Variants in COL22A1 observed in about 807,000 individuals in gnomAD.
COL22A1 encodes the protein collagen alpha-1(XXII) chain.
COL22A1 carries 221 observed loss-of-function variants against 248.9 expected under a neutral mutation model. The ratio of observed to expected loss-of-function variants is 0.89; its 90% CI spans 0.80 to 0.99. The LOEUF is 0.99. Ranked by LOEUF, COL22A1 falls within the 50% of genes least tolerant of loss-of-function variation. COL22A1 has a pLI of 0.00. For missense variants in COL22A1, 2,240 were observed against 2,179.0 expected (o/e 1.03, Z -0.56); for synonymous variants, 891 against 793.4 (o/e 1.12, Z -2.07).
chr8:138,655,841 T>TCCAA (rs2130620133), intron 45 of COL22A1, 56 bp downstream of exon 45: 10 of 1,417,694 alleles, frequency 7.1e-6, no homozygotes, highest in Non-Finnish European at 1.0e-5. Context: ...TATCAAGATC[T>TCCAA]CCAATCCCGC....
chr8:138,620,950 C>T (rs1434797326), intron 52 of COL22A1, among the ~76,000 whole-genome samples: 1 of 48,728 alleles, frequency 2.1e-5, no homozygotes, highest in Non-Finnish European at 5.2e-5. Context: ...AGCATCCATC[C>T]ATCCATCCAT....
At chr8:138,755,109 T>C in intron 21 of COL22A1, 48 bp downstream of exon 21, 2 of 1,586,222 alleles carry the variant, frequency 1.3e-6, no homozygotes, top group Non-Finnish European at 1.7e-6. Context: ...AACCCATTGG[T>C]AAGAGAAGCG....
rs1564164450 is a variant in COL22A1 at position 138,664,213 on chromosome 8, A to ATG, written c.3151-474_3151-473insCA. Among the ~76,000 whole-genome samples the ATG allele has an allele frequency of 6.9e-5, 5 of 72,552 alleles. 1 individual carries two copies. Among genetic ancestry groups the ATG allele is most frequent in the Non-Finnish European group, 1.4e-4 (5 of 36,006 alleles). 47.6% of individuals were successfully genotyped at this position (72,552 alleles called of 152,430 possible). The stretch of plus-strand genomic sequence containing the variant: ...AAGGGGTGCGCGCGCGCGCGCGCAC[A>ATG]CACACACACACACACACACACACAC... On this transcript the variant is annotated intron_variant, in intron 41 of 64. Transcript: ENST00000303045.
intron 3 of COL22A1, among the ~76,000 whole-genome samples, chr8:138,861,128 C>T (rs542702540): frequency 6.6e-6 from 1 of 152,318 alleles, no homozygotes; most frequent in East Asian, 1.9e-4. Context: ...CCTCACACTA[C>T]CAACATCCTC....
chr8:138,674,233 T>C (rs1026189377), intron 41 of COL22A1, among the ~76,000 whole-genome samples: 1 of 152,176 alleles, frequency 6.6e-6, no homozygotes, highest in Non-Finnish European at 1.5e-5. Context: ...GTGGATGCTT[T>C]GAGGCCCAGC....
chr8:138,771,162 C>T (rs1245817757), intron 16 of COL22A1, among the ~76,000 whole-genome samples: 1 of 152,212 alleles, frequency 6.6e-6, no homozygotes, highest in African/African-American at 2.4e-5. Context: ...GCTGCAGGGA[C>T]TCAGAGGCTG....
In COL22A1 at chr8:138,821,506, C is replaced by G. The variant is rs909404271; in HGVS notation, c.970-95G>C. 3.1e-6 allele frequency: 4 copies of G among 1,275,020 alleles called. 1 individual carries two copies. In the East Asian group the frequency reaches 9.3e-5, roughly 30 times the overall value. 79.0% of individuals were successfully genotyped at this position (1,275,020 alleles called of 1,614,324 possible). ...GGAGTTCAGAGTCAGACCTGGCAAT[C>G]CTGAGTCAATCCTGGCTGTGACTCT... On this transcript the variant is annotated intron_variant, in intron 6 of 64. Coordinates refer to ENST00000303045, the MANE Select transcript of COL22A1 (RefSeq NM_152888.3).
chr8:138,629,517 A>T (rs1206767387), intron 50 of COL22A1, among the ~76,000 whole-genome samples: 2 of 152,082 alleles, frequency 1.3e-5, no homozygotes, highest in Admixed American at 6.5e-5. Context: ...AGGATTAACC[A>T]GATGAGGATC....
At chr8:138,750,095 G>T (rs1832464877) in intron 22 of COL22A1, among the ~76,000 whole-genome samples, 1 of 152,160 alleles carries the variant, frequency 6.6e-6, no homozygotes, top group Non-Finnish European at 1.5e-5. Context: ...CTCCCTCTTT[G>T]CCTGCTGCCA....
intron 35 of COL22A1, among the ~76,000 whole-genome samples, chr8:138,692,901 G>A (rs1383386097): frequency 1.3e-5 from 2 of 152,104 alleles, no homozygotes; most frequent in Admixed American, 1.3e-4. Flanking sequence ...CTGACCATAC[G>A]CATGGTGGCC....
intron 1 of COL22A1, among the ~76,000 whole-genome samples, chr8:138,884,090 C>T (rs914819751): frequency 1.3e-5 from 2 of 152,132 alleles, no homozygotes; most frequent in East Asian, 3.9e-4. Context: ...GGAGGGCTTC[C>T]CTCTACCTAA....
chr8:138,623,761 C>A lies in COL22A1; in HGVS notation c.3742G>T (p.Asp1248Tyr). Residue 1248 changes from aspartate (D) to tyrosine (Y), a missense_variant, in exon 52 of 65, where the codon GAT becomes TAT. Physicochemically the swap from Asp to Tyr is radical, Grantham distance 160. Transcript: ENST00000303045. Reference sequence around the variant, plus strand: ...TCTCCAGGGGGACCCGGCTTTCCATCTCTGCCCTCTTTGCCTTCTTCTCCC... The same window carrying A: ...TCTCCAGGGGGACCCGGCTTTCCATATCTGCCCTCTTTGCCTTCTTCTCCC... ...IPGEEGKEGRDGKPGPPGEPG... is the reference protein window; with the variant it reads ...IPGEEGKEGRYGKPGPPGEPG... 7 of 1,612,782 alleles carry A rather than the reference C, an allele frequency of 4.3e-6. No homozygotes were observed. The highest frequency in any genetic ancestry group is 5.9e-6 in the Non-Finnish European group (7 of 1,179,422).
rs537532042 is a variant in COL22A1 at position 138,883,263 on chromosome 8, C to T, written c.-72-19G>A. 1 of 1,298,158 alleles carries T rather than the reference C, an allele frequency of 7.7e-7. No individual in the cohort carries two copies. The highest frequency in any genetic ancestry group is 1.1e-6 in the Non-Finnish European group (1 of 938,770). 80.4% of individuals were successfully genotyped at this position (1,298,158 alleles called of 1,614,324 possible). A position where few individuals can be genotyped will look rare whatever the true frequency, so the allele number is the denominator to read the frequency against. On this transcript the variant is annotated intron_variant, in intron 1 of 64. Transcript: ENST00000303045. ...GCATGGCCTGTGTGGAGAAAGACAC[C>T]CTTAGAGAAGGCTCTCAAGCTGAAA...
chr8:138,844,842 C>A (rs574077736), intron 3 of COL22A1, among the ~76,000 whole-genome samples: 1 of 149,590 alleles, frequency 6.7e-6, no homozygotes, highest in Non-Finnish European at 1.5e-5. Flanking sequence ...CCCAGCTACT[C>A]GGGAGGCTGA....
intron 60 of COL22A1, among the ~76,000 whole-genome samples, chr8:138,601,069 AAAG>A (rs1817964329): frequency 6.6e-6 from 1 of 152,150 alleles, no homozygotes; most frequent in Non-Finnish European, 1.5e-5. Context: ...ATTAGGTATT[AAAG>A]AAGAGATGCC....
intron 3 of COL22A1, among the ~76,000 whole-genome samples, chr8:138,867,667 T>C (rs16909732): frequency 0.048 from 7,308 of 152,302 alleles, 578 homozygotes; most frequent in African/African-American, 0.17. Flanking sequence ...AGTTAACCTG[T>C]GATTTGCACT....
chr8:138,639,953 C>T (rs377574221), intron 47 of COL22A1, among the ~76,000 whole-genome samples: 1 of 152,192 alleles, frequency 6.6e-6, no homozygotes, highest in Non-Finnish European at 1.5e-5. Context: ...TAGACGGCCA[C>T]CGCAATTACC....
intron 62 of COL22A1, among the ~76,000 whole-genome samples, chr8:138,595,592 A>C (rs1475988359): frequency 1.3e-5 from 2 of 151,978 alleles, no homozygotes; most frequent in African/African-American, 4.8e-5. Context: ...CCACTCCTTA[A>C]CGTGTGCTTC....
At chr8:138,746,116 T>C (rs1482408911) in intron 22 of COL22A1, among the ~76,000 whole-genome samples, 7 of 152,338 alleles carry the variant, frequency 4.6e-5, no homozygotes, top group Admixed American at 3.3e-4. Flanking sequence ...ACCAGCTTTG[T>C]CCAAAATGAA....
Sources: gnomAD v4.1 joint callset for allele counts (sites outside exome capture counted in the v4.1 genomes callset) on GRCh38, gnomAD v4.1.1 for gene constraint, MANE v1.5 for transcripts, NCBI Gene and HGNC (gene_info 2026-07-23, HGNC 2026-07-21) for gene names.